Variants in PRDM6 observed in about 807,000 individuals in gnomAD.
PRDM6 encodes PR/SET domain 6, also known as putative histone-lysine N-methyltransferase PRDM6.
PRDM6 carries 25 observed loss-of-function variants against 60.8 expected under a neutral mutation model. The observed-to-expected ratio is 0.41, with a 90% CI of 0.30 to 0.57. PRDM6 has a LOEUF of 0.57. PRDM6 is among the 20% of genes least tolerant of loss of function. The pLI, the probability that PRDM6 is intolerant of heterozygous loss-of-function variation, is 0.27. For synonymous variants in PRDM6, 407 were observed against 357.4 expected, an observed-to-expected ratio of 1.14 and a Z score of -1.57; for missense variants, 839 against 821.3, an observed-to-expected ratio of 1.02 and a Z score of -0.26.
chr5:123,109,003 GGTGGAAAA>G (rs1764252025), intron 3 of PRDM6, among the ~76,000 whole-genome samples: 1 of 151,922 alleles, frequency 6.6e-6, no homozygotes. Flanking sequence ...GTATTCTCCT[GGTGGAAAA>G]TTTTATTAAC....
At chr5:123,165,912 C>T (rs545295171) in intron 5 of PRDM6, among the ~76,000 whole-genome samples, 1 of 152,264 alleles carries the variant, frequency 6.6e-6, no homozygotes, top group East Asian at 1.9e-4. Context: ...TTTGCTAAAT[C>T]CCCAGTTCCT....
At chr5:123,136,215 G>A (rs1333374474) in intron 3 of PRDM6, among the ~76,000 whole-genome samples, 1 of 151,986 alleles carries the variant, frequency 6.6e-6, no homozygotes, top group East Asian at 1.9e-4. Context: ...ATCTCCTTTT[G>A]GAAATCATTC....
intron 3 of PRDM6, among the ~76,000 whole-genome samples, chr5:123,103,464 T>C (rs1276194670): frequency 1.3e-5 from 2 of 152,076 alleles, no homozygotes; most frequent in African/African-American, 4.8e-5. Flanking sequence ...GGACATCATA[T>C]GAAATAAAAT....
At chr5:123,160,378 T>G (rs1765599424) in intron 5 of PRDM6, among the ~76,000 whole-genome samples, 1 of 152,240 alleles carries the variant, frequency 6.6e-6, no homozygotes, top group East Asian at 1.9e-4. Context: ...CAGAATTAGG[T>G]TATTCTGATA....
At chr5:123,105,979 A>T (rs1346746821) in intron 3 of PRDM6, among the ~76,000 whole-genome samples, 7 of 152,190 alleles carry the variant, frequency 4.6e-5, no homozygotes, top group Non-Finnish European at 1.0e-4. Context: ...TCAAACCCTG[A>T]TTTACTCACT....
Position 123,120,066 on chromosome 5 carries a change from T to C in PRDM6, c.900+20105T>C, listed in dbSNP as rs2150217288. On this transcript the variant is annotated intron_variant, in intron 3 of 7. Coordinates refer to ENST00000407847, the MANE Select transcript of PRDM6 (RefSeq NM_001136239.4). ...ACATTAGGTATCTTACAAAGAGTTA[T>C]TGGTTGATTTTGAATATTTTTTATT... Among the ~76,000 whole-genome samples the C allele has an allele frequency of 1.3e-5, 2 of 152,320 alleles. 1 individual carries two copies. The highest frequency in any genetic ancestry group is 4.1e-4 in the South Asian group (2 of 4,828).
Position 123,192,196 on chromosome 5 carries a change from C to T in PRDM6, c.*4995C>T, listed in dbSNP as rs1265428507. The T allele has an allele frequency of 2.6e-5, 4 of 152,174 alleles. No homozygotes were observed. The highest frequency in any genetic ancestry group is 1.3e-4 in the Admixed American group (2 of 15,274). 9.4% of individuals were successfully genotyped at this position (152,174 alleles called of 1,614,324 possible). A position where few individuals can be genotyped will look rare whatever the true frequency, so the allele number is the denominator to read the frequency against. On this transcript the variant is annotated 3_prime_UTR_variant, in exon 8 of 8. Coordinates refer to ENST00000407847, the MANE Select transcript of PRDM6 (RefSeq NM_001136239.4). The stretch of plus-strand genomic sequence containing the variant: ...ATAAATTATATTGTGCAATTACTGC[C>T]ATGCCTTGTTCTAATGCTTAATGTG...
chr5:123,132,085 T>C (rs950692559), intron 3 of PRDM6, among the ~76,000 whole-genome samples: 3 of 152,306 alleles, frequency 2.0e-5, no homozygotes, highest in African/African-American at 7.2e-5. Context: ...TCATTATTAT[T>C]TCCAACCTAG....
intron 3 of PRDM6, among the ~76,000 whole-genome samples, chr5:123,111,771 G>A (rs1192821817): frequency 6.6e-6 from 1 of 151,288 alleles, no homozygotes; most frequent in Admixed American, 6.6e-5. Context: ...TGTTTGCCCC[G>A]CTTCCTGCCT....
chr5:123,142,903 C>CAAAAAAAAAA (rs1337695138), intron 3 of PRDM6, among the ~76,000 whole-genome samples: 1 of 68,128 alleles, frequency 1.5e-5, no homozygotes. Context: ...AAAAAAAAAA[C>CAAAAAAAAAA]AAACAAACCA....
intron 3 of PRDM6, among the ~76,000 whole-genome samples, chr5:123,117,950 C>G (rs1279870087): frequency 2.0e-5 from 3 of 152,162 alleles, no homozygotes; most frequent in African/African-American, 7.2e-5. Context: ...ATGTGCCAGG[C>G]ACTTTAAAGG....
chr5:123,111,370 C>T (rs1764307212), intron 3 of PRDM6, among the ~76,000 whole-genome samples: 2 of 152,116 alleles, frequency 1.3e-5, no homozygotes, highest in Non-Finnish European at 2.9e-5. Flanking sequence ...ACTTTGTTAA[C>T]AAATGTCCCA....
chr5:123,119,034 C>A (rs1764520201), intron 3 of PRDM6, among the ~76,000 whole-genome samples: 1 of 152,168 alleles, frequency 6.6e-6, no homozygotes, highest in African/African-American at 2.4e-5. Context: ...ACAAAGAAGA[C>A]CCCACCTGTG....
chr5:123,137,294 C>T (rs190598163), intron 3 of PRDM6, among the ~76,000 whole-genome samples: 2 of 152,324 alleles, frequency 1.3e-5, no homozygotes, highest in East Asian at 1.9e-4. Context: ...CTGCAAATCA[C>T]TATTGGTGTC....
intron 3 of PRDM6, among the ~76,000 whole-genome samples, chr5:123,129,250 C>CT (rs1407870331): frequency 6.6e-6 from 1 of 152,112 alleles, no homozygotes. Context: ...AATGCGGGCT[C>CT]TTTTTTGCTT....
At chr5:123,129,083 G>T (rs976770796) in intron 3 of PRDM6, among the ~76,000 whole-genome samples, 1 of 152,168 alleles carries the variant, frequency 6.6e-6, no homozygotes, top group Non-Finnish European at 1.5e-5. Context: ...TAGATGTGTA[G>T]TGTTATTTCT....
chr5:123,134,353 A>T (rs745880313), intron 3 of PRDM6, among the ~76,000 whole-genome samples: 25 of 152,132 alleles, frequency 1.6e-4, no homozygotes, highest in Non-Finnish European at 3.5e-4. Flanking sequence ...TTCAGTATAG[A>T]TCTTTATTTT....
chr5:123,181,491 C>A (rs1273619469), intron 7 of PRDM6, among the ~76,000 whole-genome samples: 3 of 152,174 alleles, frequency 2.0e-5, no homozygotes, highest in African/African-American at 7.2e-5. Flanking sequence ...AGTCAGCATG[C>A]ATGGTTGATT....
chr5:123,157,711 T>C (rs959765301), intron 4 of PRDM6, among the ~76,000 whole-genome samples: 1 of 152,266 alleles, frequency 6.6e-6, no homozygotes, highest in Non-Finnish European at 1.5e-5. Context: ...TAATTTTTAT[T>C]GTACATGAAT....
Sources: allele counts gnomAD v4.1 joint callset (sites outside exome capture counted in the v4.1 genomes callset), GRCh38; gene constraint gnomAD v4.1.1; transcripts MANE v1.5; gene names NCBI Gene and HGNC (gene_info 2026-07-23, HGNC 2026-07-21).